FKBP5: variants seen among roughly 807,000 people sequenced by gnomAD.
FKBP5 encodes the protein peptidyl-prolyl cis-trans isomerase FKBP5.
A neutral mutation model predicts 50.5 loss-of-function variants in FKBP5; 23 were observed. The observed-to-expected ratio is 0.46, with a 90% CI of 0.33 to 0.65. The LOEUF is 0.65. Among genes scored for constraint, FKBP5 ranks in the 30% least tolerant of loss-of-function variants. The probability of loss-of-function intolerance (pLI) is 0.02; values close to 1 mark genes in which losing one functional copy is unlikely to be tolerated. For missense variants in FKBP5, 411 were observed against 553.1 expected, an observed-to-expected ratio of 0.74 and a Z score of 2.58; for synonymous variants, 176 against 190.6, an observed-to-expected ratio of 0.92 and a Z score of 0.63.
At chr6:35,579,389 T>C (rs1188282752) in intron 9 of FKBP5, among the ~76,000 whole-genome samples, 1 of 152,150 alleles carries the variant, frequency 6.6e-6, no homozygotes, top group Non-Finnish European at 1.5e-5. Flanking sequence ...CACAGTATAA[T>C]ATATACTGTT....
chr6:35,588,923 G>A (rs911935218), intron 7 of FKBP5, among the ~76,000 whole-genome samples: 6 of 150,702 alleles, frequency 4.0e-5, no homozygotes, highest in Non-Finnish European at 8.9e-5. Context: ...AAATTTTTTT[G>A]CAGAGAGGGG....
chr6:35,580,249 A>ACCCC (rs1412799117), intron 8 of FKBP5, 28 bp from the exon 9 acceptor site: 1 of 1,584,108 alleles, frequency 6.3e-7, no homozygotes, highest in Non-Finnish European at 8.6e-7. Context: ...CATTACTTGT[A>ACCCC]CTCAGCTCTT....
intron 8 of FKBP5, chr6:35,580,422 G>C: frequency 1.9e-6 from 1 of 537,610 alleles, no homozygotes; most frequent in South Asian, 2.6e-5. Context: ...GGCAGTGCCT[G>C]AGCACTGCCT....
At chr6:35,652,362 G>T (rs960243503) in intron 1 of FKBP5, among the ~76,000 whole-genome samples, 1 of 152,174 alleles carries the variant, frequency 6.6e-6, no homozygotes, top group African/African-American at 2.4e-5. Context: ...CCGGTGAGCC[G>T]GGCAGAACAG....
At chr6:35,576,892 G>T in intron 10 of FKBP5, 102 bp downstream of exon 10, 2 of 1,417,384 alleles carry the variant, frequency 1.4e-6, no homozygotes, top group African/African-American at 1.4e-5. Flanking sequence ...CGTTTTCCCT[G>T]CTCTTGAGCC....
intron 6 of FKBP5, among the ~76,000 whole-genome samples, chr6:35,592,163 T>C (rs1314563664): frequency 6.6e-6 from 1 of 152,256 alleles, no homozygotes. Flanking sequence ...TTCTTTAATA[T>C]ATGAAATGGT....
chr6:35,581,017 TATC>T lies in FKBP5; in HGVS notation c.841-799_841-797del, dbSNP rs922173341. The T allele has an allele frequency of 4.9e-5, 48 of 981,884 alleles. No homozygotes were observed. The African/African-American group carries it at 8.1e-4, about 16-fold the overall frequency. The allele number at this position is 981,884 out of a possible 1,614,324, so 60.8% of individuals were successfully genotyped here. A position where few individuals can be genotyped will look rare whatever the true frequency, so the allele number is the denominator to read the frequency against. ...GTCTCTGTTGCAACTACTAAATTCT[TATC>T]ATTTGTAGTGCAAAAGCTGCTCTAG... On this transcript the variant is annotated intron_variant, in intron 8 of 10. Coordinates refer to ENST00000357266, the MANE Select transcript of FKBP5 (RefSeq NM_004117.4).
At chr6:35,702,938 A>C (rs960828739) in intron 2 of FKBP5, among the ~76,000 whole-genome samples, 1 of 151,414 alleles carries the variant, frequency 6.6e-6, no homozygotes, top group Non-Finnish European at 1.5e-5. Context: ...GTATTTTATC[A>C]AAAAAAAGGT....
intron 2 of FKBP5, among the ~76,000 whole-genome samples, chr6:35,711,822 C>T (rs1037442258): frequency 1.3e-5 from 2 of 152,152 alleles, no homozygotes; most frequent in Non-Finnish European, 2.9e-5. Flanking sequence ...ATTTAAAACA[C>T]ACAGTGTGTG....
chr6:35,699,519 A>G (rs1019932117), intron 2 of FKBP5, among the ~76,000 whole-genome samples: 1 of 152,192 alleles, frequency 6.6e-6, no homozygotes. Flanking sequence ...TCTTACATGT[A>G]CAATACACTC....
rs541622881 is a variant in FKBP5 at position 35,594,717 on chromosome 6, T to C, written c.665+2531A>G. Reference sequence around the variant, plus strand: ...CATGTAGGGGTTTTCTACATATATATGTAGTACTACGCAATGCATATGCAG... The same window carrying C: ...CATGTAGGGGTTTTCTACATATATACGTAGTACTACGCAATGCATATGCAG... On this transcript the variant is annotated intron_variant, in intron 6 of 10. Coordinates refer to ENST00000357266, the MANE Select transcript of FKBP5 (RefSeq NM_004117.4). 2.6e-5 allele frequency among the ~76,000 whole-genome samples: 4 copies of C among 151,842 alleles called. No homozygotes were observed. In the South Asian group the frequency reaches 8.3e-4, roughly 31 times the overall value.
chr6:35,587,759 TTGTG>T (rs1175333259), intron 7 of FKBP5, among the ~76,000 whole-genome samples: 7 of 152,202 alleles, frequency 4.6e-5, no homozygotes, highest in African/African-American at 1.7e-4. Flanking sequence ...CTAGCTTGTA[TTGTG>T]TGTATTATTA....
intron 3 of FKBP5, among the ~76,000 whole-genome samples, chr6:35,635,380 G>A (rs1403871166): frequency 6.6e-6 from 1 of 152,078 alleles, no homozygotes; most frequent in Non-Finnish European, 1.5e-5. Context: ...GCTGAGTTGG[G>A]AGGATCACTT....
chr6:35,581,959 A>G, intron 8 of FKBP5: 2 of 985,498 alleles, frequency 2.0e-6, no homozygotes, highest in Non-Finnish European at 2.4e-6. Flanking sequence ...GAAAAACCAT[A>G]GAGCAGGTCT....
intron 1 of FKBP5, among the ~76,000 whole-genome samples, chr6:35,652,991 C>T (rs1764852671): frequency 6.6e-6 from 1 of 152,088 alleles, no homozygotes. Context: ...ACGTGATTAT[C>T]GGGGCAGGTC....
intron 5 of FKBP5, among the ~76,000 whole-genome samples, chr6:35,603,628 A>G: frequency 9.7e-6 from 1 of 103,296 alleles, no homozygotes; most frequent in African/African-American, 4.3e-5. Context: ...TAAATGGCCA[A>G]TTGGCTGGAA....
intron 3 of FKBP5, among the ~76,000 whole-genome samples, chr6:35,624,501 T>TAAA (rs1209512427): frequency 9.4e-5 from 14 of 149,584 alleles, no homozygotes; most frequent in African/African-American, 3.0e-4. Flanking sequence ...AAAAAAATTT[T>TAAA]TTTTTTGTCT....
intron 2 of FKBP5, among the ~76,000 whole-genome samples, chr6:35,698,518 G>A (rs1268999919): frequency 1.4e-5 from 2 of 139,568 alleles, no homozygotes; most frequent in African/African-American, 5.4e-5. Flanking sequence ...TTGGTGGCAG[G>A]AGCCCGTAAT....
At chr6:35,617,206 C>A (rs1346679246) in intron 5 of FKBP5, among the ~76,000 whole-genome samples, 1 of 152,132 alleles carries the variant, frequency 6.6e-6, no homozygotes, top group Non-Finnish European at 1.5e-5. Flanking sequence ...CCCAAAACAA[C>A]AGAATTTAAA....
Sources: allele counts gnomAD v4.1 joint callset (sites outside exome capture counted in the v4.1 genomes callset), GRCh38; gene constraint gnomAD v4.1.1; transcripts MANE v1.5; gene names NCBI Gene and HGNC (gene_info 2026-07-23, HGNC 2026-07-21).